UNC79: variants seen among roughly 807,000 people sequenced by gnomAD.
UNC79 encodes the protein protein unc-79 homolog.
UNC79 carries 37 observed loss-of-function variants against 283.1 expected under a neutral mutation model. The ratio of observed to expected loss-of-function variants is 0.13; its 90% CI spans 0.10 to 0.17. The LOEUF (loss-of-function observed/expected upper bound fraction) is 0.17, where lower values mean the gene tolerates loss of function less well. UNC79 is among the 10% of genes least tolerant of loss of function. The probability of loss-of-function intolerance (pLI) is 1.00; values close to 1 mark genes in which losing one functional copy is unlikely to be tolerated. For synonymous variants in UNC79, 1,107 were observed against 1,200.2 expected, an observed-to-expected ratio of 0.92 and a Z score of 1.61; for missense variants, 2,272 against 3,211.1, an observed-to-expected ratio of 0.71 and a Z score of 7.07.
At chr14:93,538,427 G>A (rs1428000302) in intron 12 of UNC79, among the ~76,000 whole-genome samples, 1 of 152,176 alleles carries the variant, frequency 6.6e-6, no homozygotes, top group Non-Finnish European at 1.5e-5. Flanking sequence ...CACTATGCTG[G>A]GCACATGGGA....
chr14:93,538,116 G>A, exon 12 of UNC79: 2 of 1,614,096 alleles, frequency 1.2e-6, no homozygotes. Flanking sequence ...AATGAAGTGG[G>A]GGCCGCTGCG....
intron 1 of UNC79, among the ~76,000 whole-genome samples, chr14:93,350,585 T>C (rs1358229314): frequency 2.0e-5 from 3 of 152,218 alleles, no homozygotes; most frequent in African/African-American, 7.2e-5. Context: ...ACCATTATAA[T>C]AGTCTTTCTA....
rs544549716 is a variant in UNC79, at chr14:93,665,911, T to G, written c.6636+3197T>G. Among the ~76,000 whole-genome samples the G allele has an allele frequency of 2.0e-5, 3 of 152,004 alleles. No individual in the cohort carries two copies. The South Asian group carries it at 6.3e-4, about 32-fold the overall frequency. ...GAACCAAGAAGGAAGGAGTGAAATGTGTGAAGGAATGATGCTCAGAAATTG... is the reference window on the plus strand; with the variant it reads ...GAACCAAGAAGGAAGGAGTGAAATGGGTGAAGGAATGATGCTCAGAAATTG... On this transcript the variant is annotated intron_variant, in intron 40 of 48. Coordinates refer to ENST00000555664, the Ensembl canonical transcript of UNC79.
chr14:93,569,404 T>A (rs958963669), intron 14 of UNC79, among the ~76,000 whole-genome samples: 31 of 152,182 alleles, frequency 2.0e-4, no homozygotes, highest in Admixed American at 2.0e-4. Flanking sequence ...GCCATTGCAC[T>A]CCAGCCTGGG....
chr14:93,688,820 C>A lies in UNC79; in HGVS notation c.7065C>A (p.Pro2355=), dbSNP rs267604105. 6 of 1,613,688 alleles carry A rather than the reference C, an allele frequency of 3.7e-6. No individual in the cohort carries two copies. The highest frequency in any genetic ancestry group is 1.3e-5 in the African/African-American group (1 of 74,814). The stretch of plus-strand genomic sequence containing the variant: ...GCTATCTGCCTTGGCTTTATCATCC[C>A]CCCTCTGCAATGCAGCAAGGGTAAG... Residue 2355 remains proline, a synonymous_variant, in exon 44 of 49, where the codon CCC becomes CCA. Coordinates refer to ENST00000555664, the Ensembl canonical transcript of UNC79. This position sits in a 1 kb window ranked among gnomAD's most constrained non-coding sequence, Gnocchi z 4.0.
chr14:93,619,567 T>G (rs1156737040), intron 29 of UNC79, among the ~76,000 whole-genome samples: 1 of 152,230 alleles, frequency 6.6e-6, no homozygotes, highest in African/African-American at 2.4e-5. Context: ...TGATAGGCAT[T>G]CCCATCTTTG....
chr14:93,408,519 C>G (rs929269743), intron 1 of UNC79, among the ~76,000 whole-genome samples: 1 of 152,038 alleles, frequency 6.6e-6, no homozygotes, highest in African/African-American at 2.4e-5. Context: ...ATAAAAAGAC[C>G]CTGTCTCTGC....
At chr14:93,410,278 C>G (rs1004632281) in intron 1 of UNC79, among the ~76,000 whole-genome samples, 1 of 152,214 alleles carries the variant, frequency 6.6e-6, no homozygotes, top group South Asian at 2.1e-4. Flanking sequence ...CCAGCCCTAG[C>G]CAGAGGGGAA....
At chr14:93,595,120 T>C (rs1316128330) in intron 23 of UNC79, among the ~76,000 whole-genome samples, 2 of 151,780 alleles carry the variant, frequency 1.3e-5, no homozygotes, top group Non-Finnish European at 2.9e-5. Flanking sequence ...GATGGAGTCT[T>C]GCTCTATTGC....
At chr14:93,550,340 C>T (rs1409517163) in intron 14 of UNC79, among the ~76,000 whole-genome samples, 4 of 151,838 alleles carry the variant, frequency 2.6e-5, no homozygotes, top group South Asian at 4.2e-4. Flanking sequence ...CATGGTGAAA[C>T]CTCGTCTCTA....
At chr14:93,446,892 A>T (rs530294700) in intron 1 of UNC79, among the ~76,000 whole-genome samples, 1 of 152,338 alleles carries the variant, frequency 6.6e-6, no homozygotes, top group East Asian at 1.9e-4. Flanking sequence ...AACAAAATGT[A>T]TTTTTAAATT....
chr14:93,682,760 G>A, intron 42 of UNC79, 66 bp downstream of exon 45: 1 of 1,507,216 alleles, frequency 6.6e-7, no homozygotes, highest in Non-Finnish European at 9.2e-7. Flanking sequence ...AAGAATGTAG[G>A]CTTTAGACTT....
intron 12 of UNC79, 145 bp from the exon 13 acceptor site, chr14:93,540,515 C>T: frequency 1.2e-6 from 1 of 811,316 alleles, no homozygotes; most frequent in Non-Finnish European, 1.9e-6. Flanking sequence ...ATGCACAGTA[C>T]TCAGTAACTC....
intron 30 of UNC79, among the ~76,000 whole-genome samples, chr14:93,625,299 A>G (rs574479582): frequency 6.6e-6 from 1 of 152,270 alleles, no homozygotes; most frequent in East Asian, 1.9e-4. Context: ...TCTGAGCTGC[A>G]TACCCTCAGA....
At chr14:93,667,547 T>C (rs1394994131) in intron 40 of UNC79, among the ~76,000 whole-genome samples, 1 of 152,140 alleles carries the variant, frequency 6.6e-6, no homozygotes, top group Admixed American at 6.5e-5. Flanking sequence ...GAAAATGGAA[T>C]CAATAGTTAA....
rs543391997 is a variant in UNC79, at chr14:93,634,732, C to T, written c.5717-2484C>T. The T allele has an allele frequency of 5.9e-5, 70 of 1,183,210 alleles. No individual in the cohort carries two copies. The East Asian group carries it at 1.6e-3, about 26-fold the overall frequency. The allele number at this position is 1,183,210 out of a possible 1,614,324, so 73.3% of individuals were successfully genotyped here. ...GCTCCCTTGTTAAAGAATAGATTTT[C>T]TCTCATGTTCTTTGGTTCAGGTAAT... On this transcript the variant is annotated intron_variant, in intron 31 of 48. Transcript: ENST00000555664.
At chr14:93,599,353 AGTGTGTGTGTGTGTGTGT>A in intron 24 of UNC79, among the ~76,000 whole-genome samples, 1 of 148,100 alleles carries the variant, frequency 6.8e-6, no homozygotes, top group South Asian at 2.2e-4. Flanking sequence ...CACATACTTA[AGTGTGTGTGTGTGTGTGT>A]GTGTGTGTGT....
Position 93,592,172 on chromosome 14 carries a change from C to CTT in UNC79, c.3033-1489_3033-1488dup, listed in dbSNP as rs557283063. 1.7e-3 allele frequency among the ~76,000 whole-genome samples: 214 copies of CTT among 124,766 alleles called. 2 individuals are homozygous for CTT. Among genetic ancestry groups the CTT allele is most frequent in the East Asian group, 8.2e-3 (32 of 3,902 alleles). 81.9% of individuals were successfully genotyped at this position (124,766 alleles called of 152,430 possible). On this transcript the variant is annotated intron_variant, in intron 22 of 48. Transcript: ENST00000555664. ...TTATACATTCATTACATAACTTTTCCTTTTTTTTTTTTTTTTTTTTGAGAC... is the reference window on the plus strand; with the variant it reads ...TTATACATTCATTACATAACTTTTCCTTTTTTTTTTTTTTTTTTTTTTGAGAC...
At chr14:93,394,851 G>A (rs1378958797) in intron 1 of UNC79, among the ~76,000 whole-genome samples, 1 of 152,146 alleles carries the variant, frequency 6.6e-6, no homozygotes, top group Non-Finnish European at 1.5e-5. Flanking sequence ...AGCTTGGACT[G>A]CAGGCATGTG....
Sources: allele counts gnomAD v4.1 joint callset (sites outside exome capture counted in the v4.1 genomes callset), GRCh38; gene constraint gnomAD v4.1.1; non-coding constraint Gnocchi (gnomAD v3.1); transcripts MANE v1.5; gene names NCBI Gene and HGNC (gene_info 2026-07-23, HGNC 2026-07-21).